The following GLRA2 variants were observed in gnomAD, a reference collection of about 807,000 sequenced individuals.
GLRA2 encodes glycine receptor alpha 2, also known as glycine receptor subunit alpha-2.
In GLRA2, 11 loss-of-function variants were observed where a neutral mutation model predicts 31.6. That is an observed-to-expected ratio of 0.35 (90% CI 0.22 to 0.58). GLRA2 has a LOEUF of 0.58. Ranked by LOEUF, GLRA2 falls within the 20% of genes least tolerant of loss-of-function variation. GLRA2 has a pLI of 0.84. For missense variants in GLRA2, 212 were observed against 351.8 expected (o/e 0.60, Z 3.18); for synonymous variants, 132 against 134.0 (o/e 0.99, Z 0.10).
At chrX:14,572,290 T>A (rs1005051044) in intron 2 of GLRA2, among the ~76,000 whole-genome samples, 2 of 112,470 alleles carry the variant, frequency 1.8e-5, no homozygotes, top group Non-Finnish European at 1.9e-5. Flanking sequence ...AAATTTATGC[T>A]TTTAAATGAC....
At chrX:14,720,321 A>G (rs2091849195) in intron 8 of GLRA2, among the ~76,000 whole-genome samples, 1 of 111,780 alleles carries the variant, frequency 8.9e-6, no homozygotes, top group African/African-American at 3.3e-5. Flanking sequence ...TTATGTGTCC[A>G]TTAAAATATA....
the GLRA2 span, among the ~76,000 whole-genome samples, chrX:14,464,711 C>A: frequency 4.5e-5 from 5 of 111,496 alleles, no homozygotes; most frequent in Non-Finnish European, 9.4e-5. Context: ...CACCCACCAC[C>A]ACGCCCAGCT....
intron 7 of GLRA2, among the ~76,000 whole-genome samples, chrX:14,645,033 G>A (rs1165625186): frequency 8.9e-6 from 1 of 111,812 alleles, no homozygotes; most frequent in Admixed American, 9.5e-5. Flanking sequence ...AGAAGAATTT[G>A]GATGGTAGCA....
At chrX:14,599,279 T>C (rs1305604900) in intron 4 of GLRA2, among the ~76,000 whole-genome samples, 1 of 112,294 alleles carries the variant, frequency 8.9e-6, no homozygotes, top group African/African-American at 3.2e-5. Flanking sequence ...CAGCCTCAGC[T>C]CAATGCCTTC....
At chrX:14,694,837 A>T (rs754143046) in intron 8 of GLRA2, among the ~76,000 whole-genome samples, 1 of 112,274 alleles carries the variant, frequency 8.9e-6, no homozygotes, top group South Asian at 3.7e-4. Flanking sequence ...ATGCTGATGC[A>T]TTTTATGTGA....
chrX:14,642,920 C>T (rs193245713), intron 7 of GLRA2, among the ~76,000 whole-genome samples: 2 of 111,078 alleles, frequency 1.8e-5, no homozygotes, highest in Non-Finnish European at 3.8e-5. Flanking sequence ...ACAGTTGACC[C>T]TAAAATAGGA....
chrX:14,713,118 G>A (rs1601878586), intron 8 of GLRA2, among the ~76,000 whole-genome samples: 1 of 112,061 alleles, frequency 8.9e-6, no homozygotes, highest in East Asian at 2.8e-4. Context: ...GCACGATAAA[G>A]ATCTAGAGAA....
At chrX:14,525,144 CTATTTTT>C (rs1276659943), upstream of GLRA2, among the ~76,000 whole-genome samples, 2 of 111,120 alleles carry the variant, frequency 1.8e-5, no homozygotes, top group East Asian at 5.6e-4. Flanking sequence ...TTTTTTATAT[CTATTTTT>C]TAAAGTTTAA....
chrX:14,518,837 C>T, the GLRA2 span, among the ~76,000 whole-genome samples: 1 of 103,587 alleles, frequency 9.7e-6, no homozygotes. Flanking sequence ...AGTGAAACCC[C>T]GTCTCTACTG....
intron 8 of GLRA2, among the ~76,000 whole-genome samples, chrX:14,721,641 C>T (rs778111174): frequency 5.4e-4 from 60 of 111,357 alleles, no homozygotes; most frequent in African/African-American, 1.9e-3. Flanking sequence ...AACAAAGAAT[C>T]GTACAGTCCC....
rs754773938 is a variant in GLRA2, at chrX:14,643,004, CAG to C, written c.930+33805_930+33806del. On this transcript the variant is annotated intron_variant, in intron 7 of 8. Transcript: ENST00000218075. The stretch of plus-strand genomic sequence containing the variant: ...AGATATTTCTGGCAGAAGAGAAAGT[CAG>C]AGAGATTTGAAGCATAAGAGAGATT... Among the ~76,000 whole-genome samples the C allele has an allele frequency of 5.4e-5, 6 of 111,266 alleles. No individual in the cohort carries two copies. In the South Asian group the frequency reaches 2.3e-3, roughly 43 times the overall value.
intron 2 of GLRA2, among the ~76,000 whole-genome samples, chrX:14,557,085 C>G (rs1461571142): frequency 3.2e-5 from 3 of 93,305 alleles, no homozygotes; most frequent in Non-Finnish European, 6.3e-5. Flanking sequence ...ACTGCCATGT[C>G]TTCACCTAAA....
rs771220434 is a variant in GLRA2, at chrX:14,540,555, G to A, written c.202+8183G>A. Among the ~76,000 whole-genome samples the A allele has an allele frequency of 4.1e-4, 45 of 110,568 alleles. 1 individual carries two copies. The highest frequency in any genetic ancestry group is 1.4e-3 in the African/African-American group (44 of 30,504). On this transcript the variant is annotated intron_variant, in intron 2 of 8. Coordinates refer to ENST00000218075, the MANE Select transcript of GLRA2 (RefSeq NM_002063.4). ...GGTACAGAGAATAGAAGAGAAGAGA[G>A]GGGTTGGGGTGGGGAAATGGAAGAC...
rs1033151455 is a variant in GLRA2 at position 14,703,606 on chromosome X, C to A, written c.1080+12747C>A. On this transcript the variant is annotated intron_variant, in intron 8 of 8. Coordinates refer to ENST00000218075, the MANE Select transcript of GLRA2 (RefSeq NM_002063.4). ...ACAGACATCTTTGGTAGGCATTATC[C>A]TGCCTGCCACAAACAGCAATGGTTT... 7.2e-5 allele frequency among the ~76,000 whole-genome samples: 8 copies of A among 111,629 alleles called. No homozygotes were observed. The East Asian group carries it at 2.3e-3, about 32-fold the overall frequency.
chrX:14,521,465 T>A, the GLRA2 span, among the ~76,000 whole-genome samples: 1 of 111,780 alleles, frequency 8.9e-6, no homozygotes. Context: ...ATCAGTGCCC[T>A]CTCCCAGGTT....
At chrX:14,690,886 T>C (rs779708903) in intron 8 of GLRA2, 27 bp downstream of exon 8, 2 of 1,196,570 alleles carry the variant, frequency 1.7e-6, no homozygotes, top group East Asian at 3.0e-5. Flanking sequence ...GTTCAGACAA[T>C]GTAGAGCTTG....
intron 8 of GLRA2, among the ~76,000 whole-genome samples, chrX:14,711,535 G>C (rs907228895): frequency 8.9e-6 from 1 of 112,312 alleles, no homozygotes; most frequent in Non-Finnish European, 1.9e-5. Context: ...CTGAGAAATT[G>C]AGAACACTCT....
chrX:14,501,823 TG>T, the GLRA2 span, among the ~76,000 whole-genome samples: 147 of 111,561 alleles, frequency 1.3e-3, no homozygotes, highest in African/African-American at 4.4e-3. Context: ...GCAATAGAAA[TG>T]TTTTTTTTTC....
chrX:14,604,528 G>C, intron 5 of GLRA2, 131 bp downstream of exon 5: 1 of 292,745 alleles, frequency 3.4e-6, no homozygotes, highest in Non-Finnish European at 6.1e-6. Context: ...ACATCCTAAT[G>C]GAAAGACAAA....
Sources: allele counts gnomAD v4.1 joint callset (sites outside exome capture counted in the v4.1 genomes callset), GRCh38; gene constraint gnomAD v4.1.1; transcripts MANE v1.5; gene names NCBI Gene and HGNC (gene_info 2026-07-23, HGNC 2026-07-21).